The following EBF1 variants were observed in gnomAD, a reference collection of about 807,000 sequenced individuals.
EBF1 encodes the protein transcription factor COE1.
In EBF1, 10 loss-of-function variants were observed where a neutral mutation model predicts 68.4. The ratio of observed to expected loss-of-function variants is 0.15; its 90% CI spans 0.09 to 0.25. The LOEUF is 0.25. Ranked by LOEUF, EBF1 falls within the 10% of genes least tolerant of loss-of-function variation. The probability of loss-of-function intolerance (pLI) is 1.00; values close to 1 mark genes in which losing one functional copy is unlikely to be tolerated. For synonymous variants in EBF1, 298 were observed against 299.8 expected (o/e 0.99, Z 0.06); for missense variants, 509 against 794.4 (o/e 0.64, Z 4.32).
At chr5:158,897,147 A>T (rs1582982733) in intron 6 of EBF1, among the ~76,000 whole-genome samples, 1 of 152,144 alleles carries the variant, frequency 6.6e-6, no homozygotes, top group South Asian at 2.1e-4. Context: ...ATTCACAATA[A>T]CAAAGACATG....
intron 6 of EBF1, among the ~76,000 whole-genome samples, chr5:158,952,020 C>G (rs1816122686): frequency 6.6e-6 from 1 of 152,158 alleles, no homozygotes; most frequent in Non-Finnish European, 1.5e-5. Context: ...GTTTTTCATC[C>G]TGAAAGTCCA....
intron 6 of EBF1, among the ~76,000 whole-genome samples, chr5:158,997,519 C>T (rs1338685370): frequency 6.6e-6 from 1 of 152,210 alleles, no homozygotes; most frequent in African/African-American, 2.4e-5. Context: ...AATTAAGCTG[C>T]TTTAAATTCA....
intron 9 of EBF1, among the ~76,000 whole-genome samples, chr5:158,781,862 T>C (rs922763079): frequency 3.9e-5 from 6 of 152,262 alleles, no homozygotes; most frequent in Non-Finnish European, 7.4e-5. Context: ...AATTATCTTC[T>C]TCAAATACAA....
At chr5:158,977,345 T>C (rs62385400) in intron 6 of EBF1, among the ~76,000 whole-genome samples, 6,985 of 152,300 alleles carry the variant, frequency 0.046, 227 homozygotes, top group Non-Finnish European at 0.067. Context: ...GATTTATAGC[T>C]TGGAAACTAA....
At chr5:159,026,925 A>G (rs368230590) in intron 6 of EBF1, among the ~76,000 whole-genome samples, 1 of 152,332 alleles carries the variant, frequency 6.6e-6, no homozygotes, top group Admixed American at 6.5e-5. Context: ...GGAATCAAAC[A>G]AACTGAAAAA....
chr5:159,032,266 C>T (rs373209120), intron 6 of EBF1, among the ~76,000 whole-genome samples: 71 of 152,294 alleles, frequency 4.7e-4, no homozygotes, highest in African/African-American at 1.6e-3. Flanking sequence ...TGATTATCTC[C>T]GTTGTACAAA....
chr5:159,043,189 G>C (rs1267095717), intron 6 of EBF1, among the ~76,000 whole-genome samples: 4 of 152,084 alleles, frequency 2.6e-5, no homozygotes, highest in Non-Finnish European at 5.9e-5. Context: ...AGGTCTTATG[G>C]CTAGTTAGGA....
intron 9 of EBF1, among the ~76,000 whole-genome samples, chr5:158,786,856 T>C (rs1169659159): frequency 1.3e-5 from 2 of 152,184 alleles, no homozygotes; most frequent in African/African-American, 4.8e-5. Context: ...GCCAAAAGAC[T>C]GATAAAGTAG....
intron 6 of EBF1, among the ~76,000 whole-genome samples, chr5:158,861,157 C>T (rs1794896452): frequency 6.6e-6 from 1 of 151,838 alleles, no homozygotes; most frequent in Non-Finnish European, 1.5e-5. Flanking sequence ...AAGGTGATAG[C>T]TAAGAACCCG....
chr5:159,020,291 G>A (rs142407984), intron 6 of EBF1, among the ~76,000 whole-genome samples: 1 of 152,224 alleles, frequency 6.6e-6, no homozygotes, highest in Non-Finnish European at 1.5e-5. Flanking sequence ...TTTTATTCCA[G>A]TGGAAAGGCA....
chr5:158,820,387 T>C lies in EBF1; in HGVS notation c.778+2789A>G, dbSNP rs142124347. On this transcript the variant is annotated intron_variant, in intron 8 of 15. Transcript: ENST00000313708. ...ATAAAGTATTACCCTCACATCAACA[T>C]GAATTAGCATCTAGGTCCACTCCCA... 6.6e-5 allele frequency among the ~76,000 whole-genome samples: 10 copies of C among 152,310 alleles called. No individual in the cohort carries two copies. In the East Asian group the frequency reaches 1.9e-3, roughly 29 times the overall value.
Position 158,801,727 on chromosome 5 carries a change from A to G in EBF1, c.779-5252T>C, listed in dbSNP as rs184253718. On this transcript the variant is annotated intron_variant, in intron 8 of 15. Transcript: ENST00000313708. ...AGCTCCAGTACGTATTTAACAACTA[A>G]TGTTCTGTGTGCAGACAACTGCACC... Among the ~76,000 whole-genome samples, 6 of 152,118 alleles carry G rather than the reference A, an allele frequency of 3.9e-5. No individual in the cohort carries two copies. In the East Asian group the frequency reaches 9.7e-4, roughly 25 times the overall value.
intron 6 of EBF1, among the ~76,000 whole-genome samples, chr5:158,849,571 T>G (rs1792204013): frequency 6.6e-6 from 1 of 152,192 alleles, no homozygotes; most frequent in African/African-American, 2.4e-5. Context: ...TGCAGTTGCT[T>G]GTATAATGGT....
intron 10 of EBF1, among the ~76,000 whole-genome samples, chr5:158,762,500 G>C (rs1167228729): frequency 6.6e-6 from 1 of 152,100 alleles, no homozygotes; most frequent in Non-Finnish European, 1.5e-5. Flanking sequence ...GTTTAGAACA[G>C]AAATCCCTTA....
At chr5:158,935,742 G>T (rs1811873344) in intron 6 of EBF1, among the ~76,000 whole-genome samples, 1 of 152,198 alleles carries the variant, frequency 6.6e-6, no homozygotes, top group Non-Finnish European at 1.5e-5. Flanking sequence ...ACCCAAAAAA[G>T]TGCAAAATGT....
At chr5:158,952,346 C>G (rs1436143155) in intron 6 of EBF1, among the ~76,000 whole-genome samples, 3 of 152,128 alleles carry the variant, frequency 2.0e-5, no homozygotes. Flanking sequence ...CATTATATTC[C>G]ACGGCACAAA....
intron 6 of EBF1, among the ~76,000 whole-genome samples, chr5:159,046,512 G>A (rs1772433527): frequency 6.6e-6 from 1 of 152,184 alleles, no homozygotes; most frequent in Non-Finnish European, 1.5e-5. Context: ...ATAGGCCAAA[G>A]CATCATTTCA....
rs573017357 is a variant in EBF1, at chr5:158,905,535, T to C, written c.555-65425A>G. ...ATTTACAGTATTTACTTCAGGGAAA[T>C]CTTGGCGTGTGTCATATTTATCTTA... is the stretch of plus-strand genomic sequence containing the variant. On this transcript the variant is annotated intron_variant, in intron 6 of 15. Transcript: ENST00000313708. Among the ~76,000 whole-genome samples, 5 of 152,314 alleles carry C rather than the reference T, an allele frequency of 3.3e-5. No homozygotes were observed. The South Asian group carries it at 1.0e-3, about 32-fold the overall frequency.
chr5:158,884,753 T>G (rs1366267037), intron 6 of EBF1, among the ~76,000 whole-genome samples: 1 of 152,184 alleles, frequency 6.6e-6, no homozygotes, highest in Non-Finnish European at 1.5e-5. Flanking sequence ...TAATATTAAA[T>G]TAATTGCTTA....
Sources: allele counts gnomAD v4.1 joint callset (sites outside exome capture counted in the v4.1 genomes callset), GRCh38; gene constraint gnomAD v4.1.1; transcripts MANE v1.5; gene names NCBI Gene and HGNC (gene_info 2026-07-23, HGNC 2026-07-21).